Variants in NDUFA10 observed in about 807,000 individuals in gnomAD.
NDUFA10 encodes the protein NADH:ubiquinone oxidoreductase subunit A10, also known as NADH dehydrogenase [ubiquinone] 1 alpha subcomplex subunit 10, mitochondrial.
Under a neutral mutation model 47.8 loss-of-function variants are expected in NDUFA10, and 40 were observed. That is an observed-to-expected ratio of 0.84 (90% CI 0.65 to 1.09). The LOEUF is 1.09. Among genes scored for constraint, NDUFA10 ranks in the 50% least tolerant of loss-of-function variants. The probability of loss-of-function intolerance (pLI) is 0.00; values close to 1 mark genes in which losing one functional copy is unlikely to be tolerated. For missense variants in NDUFA10, 413 were observed against 451.1 expected (o/e 0.92, Z 0.76); for synonymous variants, 183 against 172.2 (o/e 1.06, Z -0.49).
At chr2:239,965,652 C>T (rs928548906) in intron 9 of NDUFA10, among the ~76,000 whole-genome samples, 22 of 152,150 alleles carry the variant, frequency 1.4e-4, no homozygotes, top group Non-Finnish European at 2.8e-4. Context: ...AAAGGGCATG[C>T]GGTGAACTAT....
chr2:240,005,127 A>G (rs1022439183), intron 8 of NDUFA10, 83 bp downstream of exon 8: 20 of 1,257,548 alleles, frequency 1.6e-5, no homozygotes, highest in Admixed American at 1.7e-5. Flanking sequence ...AACTTGAAAC[A>G]TAATTATTTC....
rs79002864 is a variant in NDUFA10, at chr2:239,971,439, T to C, written c.1000-10253A>G. Among the ~76,000 whole-genome samples the C allele has an allele frequency of 8.4e-3, 1,287 of 152,346 alleles. 18 individuals are homozygous for C. The highest frequency in any genetic ancestry group is 0.03 in the African/African-American group (1,228 of 41,576). The stretch of plus-strand genomic sequence containing the variant: ...TGCCTCCTCGAATCCTGCCATGAAA[T>C]AATGCCCCTTCCTTCTCAGAGCTCC... On this transcript the variant is annotated intron_variant, in intron 9 of 9. Coordinates refer to ENST00000252711, the MANE Select transcript of NDUFA10 (RefSeq NM_004544.4).
chr2:239,895,914 C>T (rs1328493546), intron 4 of NDUFA10, among the ~76,000 whole-genome samples: 4 of 152,196 alleles, frequency 2.6e-5, no homozygotes, highest in Non-Finnish European at 4.4e-5. Flanking sequence ...TGGCTTTTCC[C>T]GTCTTCTTTC....
intron 8 of NDUFA10, 49 bp from the exon 9 acceptor site, chr2:239,990,231 CAATAA>C: frequency 6.9e-7 from 1 of 1,454,342 alleles, no homozygotes; most frequent in Non-Finnish European, 9.7e-7. Context: ...AAAATAAATA[CAATAA>C]AAGAAGTGTA....
At chr2:239,939,088 T>C (rs1694316993) in intron 4 of NDUFA10, among the ~76,000 whole-genome samples, 1 of 152,192 alleles carries the variant, frequency 6.6e-6, no homozygotes, top group South Asian at 2.1e-4. Flanking sequence ...AGACGTAAGC[T>C]GGTGGCCCTG....
intron 9 of NDUFA10, among the ~76,000 whole-genome samples, chr2:239,961,401 C>T (rs1377167677): frequency 6.6e-6 from 1 of 152,180 alleles, no homozygotes. Flanking sequence ...AGCTTCTGTC[C>T]TAGGGCTGGG....
chr2:239,962,021 G>C (rs577686245), intron 9 of NDUFA10, among the ~76,000 whole-genome samples: 18 of 152,330 alleles, frequency 1.2e-4, no homozygotes, highest in African/African-American at 4.1e-4. Context: ...AAAGACGCCT[G>C]TTCATGAGGG....
intron 4 of NDUFA10, among the ~76,000 whole-genome samples, chr2:239,922,568 T>C (rs11900581): frequency 0.47 from 71,924 of 152,118 alleles, 17,979 homozygotes; most frequent in African/African-American, 0.66. Flanking sequence ...AGAGGCGGTG[T>C]CACCTGGGAA....
At chr2:239,895,103 T>C in intron 5 of NDUFA10, 2 of 266,558 alleles carry the variant, frequency 7.5e-6, no homozygotes, top group South Asian at 6.6e-5. Flanking sequence ...GAATCTTGCC[T>C]TCACCCTCTC....
At chr2:239,953,400 G>C (rs1179751952), downstream of NDUFA10, among the ~76,000 whole-genome samples, 2 of 152,216 alleles carry the variant, frequency 1.3e-5, no homozygotes, top group East Asian at 3.9e-4. Context: ...TAATAGATCT[G>C]TGCTGCTTTA....
rs1184876754 is a variant in NDUFA10, at chr2:240,010,071, C to T, written c.749+1546G>A. The stretch of plus-strand genomic sequence containing the variant: ...AAACTTTTAAGATCCAAGTCCATCA[C>T]AAAGCTGCAGTTTGATCTTGGTCTA... On this transcript the variant is annotated intron_variant, in intron 6 of 9. Transcript: ENST00000252711. Among the ~76,000 whole-genome samples the T allele has an allele frequency of 2.6e-5, 4 of 152,346 alleles. No individual in the cohort carries two copies. In the East Asian group the frequency reaches 7.7e-4, roughly 29 times the overall value.
At chr2:240,006,170 T>C (rs562246241) in intron 7 of NDUFA10, among the ~76,000 whole-genome samples, 1 of 152,318 alleles carries the variant, frequency 6.6e-6, no homozygotes, top group South Asian at 2.1e-4. Context: ...TAACATAGTA[T>C]TGGAGACAAA....
chr2:239,910,361 T>C (rs190220356), intron 4 of NDUFA10, among the ~76,000 whole-genome samples: 1 of 152,182 alleles, frequency 6.6e-6, no homozygotes. Context: ...GTGGCACATA[T>C]ACACCATGGA....
At chr2:240,010,348 G>C (rs1574884169) in intron 6 of NDUFA10, among the ~76,000 whole-genome samples, 2 of 152,192 alleles carry the variant, frequency 1.3e-5, no homozygotes, top group South Asian at 4.1e-4. Context: ...CAAAGTAAAA[G>C]AAACTCTTGC....
chr2:240,000,692 T>C (rs534012337), intron 8 of NDUFA10, among the ~76,000 whole-genome samples: 10 of 152,314 alleles, frequency 6.6e-5, no homozygotes, highest in Non-Finnish European at 1.5e-4. Flanking sequence ...CCACTCACGG[T>C]ACATGCCCCA....
chr2:240,019,436 A>G (rs1272580852), intron 3 of NDUFA10, among the ~76,000 whole-genome samples: 3 of 152,268 alleles, frequency 2.0e-5, no homozygotes, highest in Non-Finnish European at 4.4e-5. Flanking sequence ...ATAGCACCAA[A>G]AAAAGCAAGG....
intron 4 of NDUFA10, among the ~76,000 whole-genome samples, chr2:239,940,019 T>C (rs966031487): frequency 1.3e-5 from 2 of 152,240 alleles, no homozygotes; most frequent in Non-Finnish European, 2.9e-5. Flanking sequence ...CTGGTGTGAC[T>C]TGGGGGTAGG....
At chr2:239,913,407 G>A (rs770482892) in intron 4 of NDUFA10, among the ~76,000 whole-genome samples, 9 of 152,364 alleles carry the variant, frequency 5.9e-5, no homozygotes, top group East Asian at 3.9e-4. Flanking sequence ...ACTCTGCCAC[G>A]ATGGGCGGGC....
At chr2:239,988,747 C>T (rs1488617102) in intron 9 of NDUFA10, among the ~76,000 whole-genome samples, 2 of 152,208 alleles carry the variant, frequency 1.3e-5, no homozygotes, top group Admixed American at 1.3e-4. Context: ...AAGCAAAGCA[C>T]CAGCTACAGC....
Sources: allele counts gnomAD v4.1 joint callset (sites outside exome capture counted in the v4.1 genomes callset), GRCh38; gene constraint gnomAD v4.1.1; transcripts MANE v1.5; gene names NCBI Gene and HGNC (gene_info 2026-07-23, HGNC 2026-07-21).